The following TRIO variants were observed in gnomAD, a reference collection of about 807,000 sequenced individuals.
TRIO encodes the protein trio Rho guanine nucleotide exchange factor.
Under a neutral mutation model 351.9 loss-of-function variants are expected in TRIO, and 58 were observed. The observed-to-expected ratio is 0.16, with a 90% CI of 0.13 to 0.21. The LOEUF (loss-of-function observed/expected upper bound fraction) is 0.21, where lower values mean the gene tolerates loss of function less well. TRIO is among the 10% of genes least tolerant of loss of function. TRIO has a pLI of 1.00. For missense variants in TRIO, 3,201 were observed against 4,027.8 expected, an observed-to-expected ratio of 0.79 and a Z score of 5.56; for synonymous variants, 1,758 against 1,595.7, an observed-to-expected ratio of 1.10 and a Z score of -2.42.
chr5:14,208,187 GCA>G (rs200090587), intron 1 of TRIO, among the ~76,000 whole-genome samples: 1 of 109,132 alleles, frequency 9.2e-6, no homozygotes, highest in Non-Finnish European at 2.3e-5. Context: ...AAACATGTCT[GCA>G]CAAAGACTTT....
At chr5:14,427,949 A>G (rs1224629828) in intron 34 of TRIO, among the ~76,000 whole-genome samples, 1 of 152,158 alleles carries the variant, frequency 6.6e-6, no homozygotes, top group African/African-American at 2.4e-5. Context: ...GCAGAGACCA[A>G]GGTTCTTCTC....
chr5:14,420,325 ATCTGTGCCTTCT>A (rs1466633824), intron 34 of TRIO: 8 of 329,120 alleles, frequency 2.4e-5, no homozygotes, highest in Non-Finnish European at 4.6e-5. Context: ...TTCCTTTATC[ATCTGTGCCTTCT>A]TCTGTGTGTC....
intron 1 of TRIO, among the ~76,000 whole-genome samples, chr5:14,166,208 G>A (rs1009194454): frequency 3.9e-5 from 6 of 152,204 alleles, no homozygotes; most frequent in Non-Finnish European, 7.3e-5. Context: ...GGTAAGCCGT[G>A]CCTGGGGGGC....
intron 2 of TRIO, among the ~76,000 whole-genome samples, chr5:14,278,315 C>A (rs1052112201): frequency 5.9e-5 from 9 of 152,196 alleles, no homozygotes; most frequent in Non-Finnish European, 1.3e-4. Context: ...CTTAGATTGG[C>A]AGATTTTGGA....
At chr5:14,417,827 C>G (rs1474177704) in intron 33 of TRIO, among the ~76,000 whole-genome samples, 3 of 152,234 alleles carry the variant, frequency 2.0e-5, no homozygotes, top group Non-Finnish European at 4.4e-5. Flanking sequence ...TGTATCTTTT[C>G]TTTTTCATTT....
At chr5:14,411,771 GT>G (rs901253743) in intron 33 of TRIO, among the ~76,000 whole-genome samples, 4 of 148,584 alleles carry the variant, frequency 2.7e-5, no homozygotes, top group East Asian at 2.0e-4. Context: ...TGCCTGGCTA[GT>G]TTTTTTTTTA....
At chr5:14,285,369 T>C (rs1736351495) in intron 3 of TRIO, among the ~76,000 whole-genome samples, 1 of 152,074 alleles carries the variant, frequency 6.6e-6, no homozygotes, top group Non-Finnish European at 1.5e-5. Context: ...GATTGGGTCC[T>C]ACTGCTGGGC....
chr5:14,459,031 C>G (rs997904394), intron 34 of TRIO, among the ~76,000 whole-genome samples: 1 of 152,214 alleles, frequency 6.6e-6, no homozygotes, highest in Non-Finnish European at 1.5e-5. Context: ...GGTTATCATT[C>G]TTTAACAGAT....
At chr5:14,481,503 G>A in intron 44 of TRIO, 38 bp from the exon 45 acceptor site, 1 of 1,610,064 alleles carries the variant, frequency 6.2e-7, no homozygotes, top group South Asian at 1.1e-5. Context: ...TTCCCTAGAG[G>A]AACTTGAGCT....
At chr5:14,504,237 C>T (rs1757497343) in intron 54 of TRIO, among the ~76,000 whole-genome samples, 156 bp from the exon 55 acceptor site, 1 of 152,188 alleles carries the variant, frequency 6.6e-6, no homozygotes, top group Non-Finnish European at 1.5e-5. Flanking sequence ...TGGGGGACAG[C>T]CATGGCACCA....
intron 1 of TRIO, among the ~76,000 whole-genome samples, chr5:14,203,251 A>G (rs2152177302): frequency 6.6e-6 from 1 of 152,300 alleles, no homozygotes; most frequent in South Asian, 2.1e-4. Context: ...ATTTGAAGAG[A>G]GAGATTCCAG....
At chr5:14,463,687 T>TC (rs897153665) in intron 36 of TRIO, among the ~76,000 whole-genome samples, 6 of 152,104 alleles carry the variant, frequency 3.9e-5, no homozygotes, top group African/African-American at 1.4e-4. Context: ...TTTTTTTTTT[T>TC]TTGGCAGTAA....
At position 14,471,331 on chromosome 5, in the gene TRIO, G is replaced by A. The variant is rs375877998; in HGVS notation, c.5777G>A (p.Arg1926His). The change falls in exon 38 of 57, where the codon CGC (arginine) becomes CAC (histidine). Residue 1926 changes from arginine to histidine, a missense_variant. By Grantham distance (29) the Arg-to-His change is conservative (BLOSUM62 0). Coordinates refer to ENST00000344204, the MANE Select transcript of TRIO (RefSeq NM_007118.4). ...AATTTCTTCCAGGCACTGGAGGATC[G>A]CCCCAGCTCACTCCTTGTTGACCAG... ...LVKSKMALEDRPSSLLVDQGD... is the reference protein window; with the variant it reads ...LVKSKMALEDHPSSLLVDQGD... The A allele has an allele frequency of 2.5e-6, 4 of 1,613,676 alleles. No individual in the cohort carries two copies. The highest frequency in any genetic ancestry group is 1.3e-5 in the African/African-American group (1 of 74,902).
intron 1 of TRIO, among the ~76,000 whole-genome samples, chr5:14,175,017 G>A (rs774084037): frequency 2.0e-5 from 3 of 150,862 alleles, no homozygotes; most frequent in African/African-American, 4.9e-5. Context: ...TGGTAAAGAT[G>A]CACATATTAC....
chr5:14,389,600 T>C (rs1190721432), intron 25 of TRIO, among the ~76,000 whole-genome samples: 1 of 152,242 alleles, frequency 6.6e-6, no homozygotes, highest in African/African-American at 2.4e-5. Context: ...TTTGTACTTA[T>C]CTTCTACAGA....
intron 1 of TRIO, among the ~76,000 whole-genome samples, chr5:14,219,391 C>T (rs1792447312): frequency 6.6e-6 from 1 of 152,158 alleles, no homozygotes; most frequent in Admixed American, 6.5e-5. Context: ...CTCAGAGAGT[C>T]TTTGTGTCCT....
intron 11 of TRIO, among the ~76,000 whole-genome samples, chr5:14,350,692 C>T (rs1323903596): frequency 6.6e-6 from 1 of 152,188 alleles, no homozygotes; most frequent in African/African-American, 2.4e-5. Context: ...TTCCTCCTTT[C>T]TTACATGTAA....
At chr5:14,316,150 A>T (rs1459079385) in intron 8 of TRIO, among the ~76,000 whole-genome samples, 3 of 152,224 alleles carry the variant, frequency 2.0e-5, no homozygotes, top group Non-Finnish European at 1.5e-5. Context: ...CAGATATCCC[A>T]GGAATGCAGT....
chr5:14,274,187 T>G (rs1561278951), intron 2 of TRIO, among the ~76,000 whole-genome samples: 1 of 152,218 alleles, frequency 6.6e-6, no homozygotes, highest in Non-Finnish European at 1.5e-5. Flanking sequence ...GGTTGAGATG[T>G]CTGGTAAGGC....
Sources: allele counts gnomAD v4.1 joint callset (sites outside exome capture counted in the v4.1 genomes callset), GRCh38; gene constraint gnomAD v4.1.1; transcripts MANE v1.5; gene names NCBI Gene and HGNC (gene_info 2026-07-23, HGNC 2026-07-21).